ANAPC11: variants seen among roughly 807,000 people sequenced by gnomAD.
ANAPC11 encodes the protein anaphase promoting complex subunit 11, also known as anaphase-promoting complex subunit 11.
Under a neutral mutation model 11.8 loss-of-function variants are expected in ANAPC11, and 5 were observed. The ratio of observed to expected loss-of-function variants is 0.42; its 90% CI spans 0.22 to 0.89. The LOEUF is 0.89. Ranked by LOEUF, ANAPC11 falls within the 40% of genes least tolerant of loss-of-function variation. The probability of loss-of-function intolerance (pLI) is 0.28; values close to 1 mark genes in which losing one functional copy is unlikely to be tolerated. For missense variants in ANAPC11, 68 were observed against 112.9 expected, an observed-to-expected ratio of 0.60 and a Z score of 1.80; for synonymous variants, 45 against 41.0, an observed-to-expected ratio of 1.10 and a Z score of -0.38.
chr17:81,899,443 G>C, intron 3 of ANAPC11: 1 of 1,613,980 alleles, frequency 6.2e-7, no homozygotes, highest in South Asian at 1.1e-5. Flanking sequence ...CAAGAGACCA[G>C]TTCACTACTC....
chr17:81,892,964 C>T (rs2039598492), intron 1 of ANAPC11: 1 of 151,598 alleles, frequency 6.6e-6, no homozygotes, highest in African/African-American at 2.4e-5. Context: ...CTCGAGCTAT[C>T]CTCCCACGTC....
In ANAPC11 at chr17:81,899,981, G is replaced by T; in HGVS notation, c.171G>T (p.Met57Ile). 6.2e-7 allele frequency: 1 copy of T among 1,613,116 alleles called. No homozygotes were observed. The highest frequency in any genetic ancestry group is 8.5e-7 in the Non-Finnish European group (1 of 1,179,986). Residue 57 changes from methionine (M) to isoleucine (I), a missense_variant, in exon 4 of 4, where the codon ATG becomes ATT. Physicochemically the swap from Met to Ile is conservative, Grantham distance 10 (BLOSUM62 1). Transcript: ENST00000344877. ...VWGQCSHCFH[M>I]HCILKWLHAQ... ...GCCAGTGCTCCCACTGCTTCCACAT[G>T]CATTGCATCCTCAAGTGGCTGCACG... is the stretch of plus-strand genomic sequence containing the variant.
At chr17:81,899,457 T>C in intron 3 of ANAPC11, 1 of 1,614,002 alleles carries the variant, frequency 6.2e-7, no homozygotes, top group Non-Finnish European at 8.5e-7. Context: ...ACTACTCAGA[T>C]GCACGTCTCC....
chr17:81,893,803 C>T (rs1277507668), intron 2 of ANAPC11, among the ~76,000 whole-genome samples, 189 bp downstream of exon 2: 1 of 129,760 alleles, frequency 7.7e-6, no homozygotes, highest in South Asian at 2.7e-4. Context: ...CACTGTGTTA[C>T]ACAGGCTGGT....
intron 1 of ANAPC11, among the ~76,000 whole-genome samples, chr17:81,892,471 A>G (rs956106125): frequency 6.6e-6 from 1 of 151,450 alleles, no homozygotes; most frequent in Non-Finnish European, 1.5e-5. Context: ...CCTGTCTCCA[A>G]AAAAAAATTA....
At chr17:81,891,380 G>A (rs1440523011), upstream of ANAPC11, 5 of 1,133,318 alleles carry the variant, frequency 4.4e-6, no homozygotes, top group Non-Finnish European at 5.4e-6. Context: ...CGCGGGCGAT[G>A]GCCGGCCGGT....
intron 3 of ANAPC11, chr17:81,899,719 G>C: frequency 1.0e-6 from 1 of 953,068 alleles, no homozygotes. Context: ...GTGTCCCTTG[G>C]TCATTGCTGG....
chr17:81,891,007 C>G, upstream of ANAPC11: 1 of 879,264 alleles, frequency 1.1e-6, no homozygotes, highest in East Asian at 2.7e-5. Context: ...CGCGGCCGCA[C>G]AACTTCAGTT....
intron 3 of ANAPC11, 21 bp downstream of exon 3, chr17:81,894,607 G>A (rs1435250365): frequency 2.6e-6 from 4 of 1,558,724 alleles, no homozygotes; most frequent in Admixed American, 1.7e-5. Context: ...CCTCCATGCT[G>A]TCTGAGCGGC....
At chr17:81,892,524 A>ATTTTTTTT (rs201667030) in intron 1 of ANAPC11, among the ~76,000 whole-genome samples, 2 of 128,530 alleles carry the variant, frequency 1.6e-5, no homozygotes, top group African/African-American at 6.0e-5. Context: ...CATTTCATTG[A>ATTTTTTTT]TTTTTTTTTT....
intron 3 of ANAPC11, chr17:81,898,564 GTCC>G (rs2039819945): frequency 6.6e-6 from 1 of 152,382 alleles, no homozygotes; most frequent in African/African-American, 2.4e-5. Flanking sequence ...CGTTTGACGA[GTCC>G]AATGTGCTTC....
chr17:81,899,848 C>T (rs1157836963), intron 3 of ANAPC11, 72 bp from the exon 4 acceptor site: 19 of 1,490,476 alleles, frequency 1.3e-5, no homozygotes, highest in Non-Finnish European at 5.5e-6. Flanking sequence ...TACCTGCACC[C>T]CTGCCTGGCT....
chr17:81,894,677 C>CCTGTTAAAT lies in ANAPC11; in HGVS notation c.109+92_109+100dup, dbSNP rs1436985863. 4.5e-6 allele frequency: 3 copies of CCTGTTAAAT among 667,884 alleles called. No homozygotes were observed. In the Admixed American group the frequency reaches 9.1e-5, roughly 20 times the overall value. The allele number at this position is 667,884 out of a possible 1,614,324, so 41.4% of individuals were successfully genotyped here. A position where few individuals can be genotyped will look rare whatever the true frequency, so the allele number is the denominator to read the frequency against. ...GCCTGCTGGACTAGCCTCAGTAGCTCCTGTTAAATACCTGCACGAAATACC... is the reference window on the plus strand; with the variant it reads ...GCCTGCTGGACTAGCCTCAGTAGCTCCTGTTAAATCTGTTAAATACCTGCACGAAATACC... On this transcript the variant is annotated intron_variant, in intron 3 of 3. Transcript: ENST00000344877.
chr17:81,897,319 G>C (rs1338881575), intron 3 of ANAPC11, among the ~76,000 whole-genome samples: 2 of 152,004 alleles, frequency 1.3e-5, no homozygotes, highest in African/African-American at 4.8e-5. Flanking sequence ...TTTTAGCAGA[G>C]ACAGGGTTTC....
At position 81,891,787 on chromosome 17, in the gene ANAPC11, T is replaced by G. The variant is rs1308751409; in HGVS notation, c.-129T>G. ...GGAGTCGGGCCGCGACTGTGGTCGT[T>G]TTTATACCTTCCCGCGCGGACGCCG... On this transcript the variant is annotated 5_prime_UTR_variant, in exon 1 of 4. Transcript: ENST00000344877. The G allele has an allele frequency of 2.1e-5, 6 of 282,772 alleles. No individual in the cohort carries two copies. Among genetic ancestry groups the G allele is most frequent in the African/African-American group, 9.2e-5 (4 of 43,484 alleles). The allele number at this position is 282,772 out of a possible 1,614,324, so 17.5% of individuals were successfully genotyped here.
chr17:81,891,707 T>C (rs887269975), upstream of ANAPC11: 14 of 917,512 alleles, frequency 1.5e-5, no homozygotes, highest in African/African-American at 7.4e-5. Context: ...CGGGACGGGG[T>C]GAGGCGGGGA....
intron 2 of ANAPC11, 117 bp from the exon 3 acceptor site, chr17:81,894,350 C>T (rs749851644): frequency 2.3e-5 from 11 of 477,548 alleles, no homozygotes; most frequent in Non-Finnish European, 3.8e-5. Context: ...GATCTTCCTG[C>T]CTTGGCCCCC....
intron 3 of ANAPC11, chr17:81,899,628 C>T: frequency 7.0e-7 from 1 of 1,437,882 alleles, no homozygotes; most frequent in Non-Finnish European, 9.4e-7. Context: ...AGAGAGGCCC[C>T]TGGGCTCCCC....
chr17:81,896,320 G>C (rs758570113), intron 3 of ANAPC11, among the ~76,000 whole-genome samples: 1 of 152,168 alleles, frequency 6.6e-6, no homozygotes. Context: ...TACTCAGGAG[G>C]CTGAGGCAAA....
Sources: allele counts gnomAD v4.1 joint callset (sites outside exome capture counted in the v4.1 genomes callset), GRCh38; gene constraint gnomAD v4.1.1; transcripts MANE v1.5; gene names NCBI Gene and HGNC (gene_info 2026-07-23, HGNC 2026-07-21).